AP1B1: variants seen among roughly 807,000 people sequenced by gnomAD.
The protein encoded by AP1B1 is adaptor related protein complex 1 subunit beta 1.
In AP1B1, 36 loss-of-function variants were observed where a neutral mutation model predicts 104.3. That is an observed-to-expected ratio of 0.35 (90% confidence interval 0.26 to 0.46). The LOEUF is 0.46. Ranked by LOEUF, AP1B1 falls within the 20% of genes least tolerant of loss-of-function variation. The pLI, the probability that AP1B1 is intolerant of heterozygous loss-of-function variation, is 1.00. For synonymous variants in AP1B1, 504 were observed against 517.5 expected, an observed-to-expected ratio of 0.97 and a Z score of 0.35; for missense variants, 901 against 1,247.9, an observed-to-expected ratio of 0.72 and a Z score of 4.19.
At chr22:29,364,246 C>T (rs2062096699) in intron 2 of AP1B1, among the ~76,000 whole-genome samples, 3 of 152,148 alleles carry the variant, frequency 2.0e-5, no homozygotes, top group South Asian at 4.1e-4. Context: ...GCTCTGAAAA[C>T]AGGAATTCAG....
At chr22:29,340,599 G>C in intron 14 of AP1B1, 57 bp downstream of exon 14, 1 of 1,467,522 alleles carries the variant, frequency 6.8e-7, no homozygotes, top group Non-Finnish European at 9.1e-7. Context: ...GGGGCATTCA[G>C]TGACTGCTCC....
chr22:29,333,546 T>C (rs771382661), intron 17 of AP1B1, among the ~76,000 whole-genome samples: 59 of 152,184 alleles, frequency 3.9e-4, no homozygotes, highest in Non-Finnish European at 6.9e-4. Flanking sequence ...TCCTTTGGAC[T>C]GTGGAGGCAA....
At chr22:29,372,234 C>A (rs886498907) in intron 1 of AP1B1, among the ~76,000 whole-genome samples, 4 of 151,900 alleles carry the variant, frequency 2.6e-5, no homozygotes, top group East Asian at 3.9e-4. Flanking sequence ...ACCAGCCTAG[C>A]CAACATGGTG....
chr22:29,371,040 G>A (rs766163837), intron 1 of AP1B1, among the ~76,000 whole-genome samples: 1 of 152,136 alleles, frequency 6.6e-6, no homozygotes, highest in Non-Finnish European at 1.5e-5. Flanking sequence ...AAAGTGAAAC[G>A]CTTTAGAAAG....
chr22:29,331,916 G>C lies in AP1B1; in HGVS notation c.2310C>G (p.Ser770Arg), dbSNP rs1466884836. Reference protein sequence around the residue: ...TDFAIQFNRNSFGLAPAAPLQ... With the variant: ...TDFAIQFNRNRFGLAPAAPLQ... ...GGGGGGCGGCGGGGGCCAGGCCAAAGCTGGGGAGAGAGAAGCCCCACAGGG... is the reference window on the plus strand; with the variant it reads ...GGGGGGCGGCGGGGGCCAGGCCAAACCTGGGGAGAGAGAAGCCCCACAGGG... Residue 770 changes from serine to arginine, a missense_variant and splice_region_variant, in exon 18 of 23, where the codon AGC becomes AGG. Transcript: ENST00000357586. 1 of 1,608,500 alleles carries C rather than the reference G, an allele frequency of 6.2e-7. No homozygotes were observed. The highest frequency in any genetic ancestry group is 8.5e-7 in the Non-Finnish European group (1 of 1,177,680).
At chr22:29,338,678 G>A (rs1292637218) in intron 16 of AP1B1, among the ~76,000 whole-genome samples, 1 of 152,190 alleles carries the variant, frequency 6.6e-6, no homozygotes, top group Non-Finnish European at 1.5e-5. Flanking sequence ...CCACCTGACA[G>A]GCCTCTGCTG....
chr22:29,351,913 G>A, intron 7 of AP1B1, 88 bp from the exon 8 acceptor site: 1 of 1,530,634 alleles, frequency 6.5e-7, no homozygotes, highest in Non-Finnish European at 8.9e-7. Flanking sequence ...GGACATTTCT[G>A]GGGTCTGAGG....
chr22:29,375,852 G>A (rs1265029069), intron 1 of AP1B1, among the ~76,000 whole-genome samples: 1 of 152,174 alleles, frequency 6.6e-6, no homozygotes, highest in Non-Finnish European at 1.5e-5. Flanking sequence ...AAGAAGGGTG[G>A]GAGGCCTAGA....
chr22:29,341,132 C>A (rs962781245), intron 13 of AP1B1, among the ~76,000 whole-genome samples: 1 of 152,222 alleles, frequency 6.6e-6, no homozygotes, highest in East Asian at 1.9e-4. Context: ...TGCCCTAGGA[C>A]GGTGCCACCA....
At chr22:29,363,204 G>C in intron 2 of AP1B1, 98 bp from the exon 3 acceptor site, 3 of 692,018 alleles carry the variant, frequency 4.3e-6, no homozygotes, top group Non-Finnish European at 5.3e-6. Context: ...AGGCACGTAA[G>C]ACATCCTATG....
At chr22:29,339,918 A>G in intron 14 of AP1B1, 144 bp from the exon 15 acceptor site, 1 of 905,396 alleles carries the variant, frequency 1.1e-6, no homozygotes, top group Non-Finnish European at 1.7e-6. Flanking sequence ...GTGTGGTGTG[A>G]GGTCTGGCGA....
chr22:29,377,638 T>C (rs1024968265), intron 1 of AP1B1, among the ~76,000 whole-genome samples: 1 of 151,786 alleles, frequency 6.6e-6, no homozygotes, highest in Non-Finnish European at 1.5e-5. Flanking sequence ...GTGAAACCTG[T>C]CTCTACTAAA....
At position 29,354,823 on chromosome 22, in the gene AP1B1, C is replaced by A. The variant is rs1008420856; in HGVS notation, c.765G>T (p.Val255=). 10 of 1,613,960 alleles carry A rather than the reference C, an allele frequency of 6.2e-6. No homozygotes were observed. Among genetic ancestry groups the A allele is most frequent in the Non-Finnish European group, 7.6e-6 (9 of 1,180,028 alleles). ...TPRLSHANSA[V]VLSAVKVLMK... is the part of the protein sequence containing the mutation. ...TCAGCACCTTCACAGCAGAGAGCAC[C>A]ACAGCGGAGTTGGCATGGGAGAGCC... The change falls in exon 7 of 23, where the codon GTG becomes GTT. Residue 255 remains valine, a synonymous_variant. Coordinates refer to ENST00000357586, the MANE Select transcript of AP1B1 (RefSeq NM_001127.4).
intron 4 of AP1B1, among the ~76,000 whole-genome samples, chr22:29,359,442 T>C (rs2062010192): frequency 1.3e-5 from 2 of 152,090 alleles, no homozygotes; most frequent in African/African-American, 2.4e-5. Context: ...AAAATTAAAA[T>C]ATAGGTGCAC....
rs2062017775 is a variant in AP1B1, at chr22:29,359,935, G to A, written c.168C>T (p.Asn56=). The A allele has an allele frequency of 5.6e-6, 9 of 1,613,860 alleles. No individual in the cohort carries two copies. The highest frequency in any genetic ancestry group is 6.8e-6 in the Non-Finnish European group (8 of 1,179,878). Residue 56 remains asparagine (N), a synonymous_variant, in exon 4 of 23, where the codon AAC becomes AAT. Coordinates refer to ENST00000357586, the MANE Select transcript of AP1B1 (RefSeq NM_001127.4). ...GCTCCAGGTTGTCCGTCTGCATGCA[G>A]TTGACCACATCGGGGAAGAGGGCAC... ...DVSALFPDVV[N]CMQTDNLELK...
In AP1B1 at chr22:29,356,551, G is replaced by C. The variant is rs558750636; in HGVS notation, c.591C>G (p.Leu197=). Residue 197 remains leucine, a synonymous_variant, in exon 6 of 23, where the codon CTC becomes CTG. Transcript: ENST00000357586. ...IAESHPSSNL[L]DLNPQSINKL... is the part of the protein sequence containing the mutation. ...TGTTGATGGACTGTGGGTTCAGATC[G>C]AGCAGGTTGCTGCTGGGGTGAGACT... 6.3e-5 allele frequency: 101 copies of C among 1,614,084 alleles called. No homozygotes were observed. The Admixed American group carries it at 1.3e-3, about 20-fold the overall frequency.
chr22:29,385,401 G>A (rs1466030377), intron 1 of AP1B1, among the ~76,000 whole-genome samples: 3 of 152,132 alleles, frequency 2.0e-5, no homozygotes, highest in African/African-American at 7.2e-5. Context: ...AAGAAAAAGA[G>A]TTGGTGCTTG....
intron 11 of AP1B1, among the ~76,000 whole-genome samples, chr22:29,342,759 G>C (rs1046067577): frequency 6.6e-6 from 1 of 152,066 alleles, no homozygotes; most frequent in Non-Finnish European, 1.5e-5. Context: ...AACAAGTGGC[G>C]ACAGTCCCAT....
chr22:29,351,508 A>G (rs1225418710), intron 8 of AP1B1, 197 bp downstream of exon 8: 4 of 850,138 alleles, frequency 4.7e-6, no homozygotes, highest in Non-Finnish European at 7.3e-6. Flanking sequence ...GACAGGTGAT[A>G]ACATGGAGAA....
Sources: allele counts gnomAD v4.1 joint callset (sites outside exome capture counted in the v4.1 genomes callset), GRCh38; gene constraint gnomAD v4.1.1; transcripts MANE v1.5; gene names NCBI Gene and HGNC (gene_info 2026-07-23, HGNC 2026-07-21).